Variants in RPS6KA2 observed in about 807,000 individuals in gnomAD.
RPS6KA2 encodes ribosomal protein S6 kinase alpha-2.
In RPS6KA2, 42 loss-of-function variants were observed where a neutral mutation model predicts 91.8. The observed-to-expected ratio is 0.46, with a 90% CI of 0.36 to 0.59. The LOEUF (loss-of-function observed/expected upper bound fraction) is 0.59. Ranked by LOEUF, RPS6KA2 falls within the 20% of genes least tolerant of loss-of-function variation. The pLI, the probability that RPS6KA2 is intolerant of heterozygous loss-of-function variation, is 0.00. For missense variants in RPS6KA2, 798 were observed against 978.5 expected (o/e 0.82, Z 2.46); for synonymous variants, 414 against 393.6 (o/e 1.05, Z -0.61).
chr6:166,676,673 T>G (rs1788629510), intron 2 of RPS6KA2, among the ~76,000 whole-genome samples: 1 of 152,302 alleles, frequency 6.6e-6, no homozygotes, highest in South Asian at 2.1e-4. Flanking sequence ...ATAATAAGAC[T>G]TTTCCCCTTG....
chr6:166,748,702 A>ATTTC (rs1367559182), intron 2 of RPS6KA2, among the ~76,000 whole-genome samples: 1 of 44,318 alleles, frequency 2.3e-5, no homozygotes, highest in South Asian at 1.2e-3. Flanking sequence ...TCAGGCCCCC[A>ATTTC]CCTCCTCAGG....
intron 2 of RPS6KA2, among the ~76,000 whole-genome samples, chr6:166,790,267 T>C (rs984696016): frequency 2.0e-5 from 3 of 152,138 alleles, no homozygotes; most frequent in African/African-American, 7.2e-5. Context: ...GTATCTGTGA[T>C]GGAAGACGAA....
intron 1 of RPS6KA2, chr6:166,586,325 T>C: frequency 1.9e-6 from 3 of 1,599,384 alleles, no homozygotes; most frequent in Non-Finnish European, 2.5e-6. Flanking sequence ...CTCTGTTTCT[T>C]TGGTTCCCAC....
At chr6:166,795,028 A>T (rs1012430400) in intron 2 of RPS6KA2, among the ~76,000 whole-genome samples, 2 of 151,918 alleles carry the variant, frequency 1.3e-5, no homozygotes, top group African/African-American at 2.4e-5. Flanking sequence ...AATAAATAAA[A>T]AATAAAAATA....
intron 2 of RPS6KA2, among the ~76,000 whole-genome samples, chr6:166,678,356 A>G (rs2281144): frequency 0.23 from 34,324 of 152,120 alleles, 5,828 homozygotes; most frequent in African/African-American, 0.48. Context: ...GAACCAAATC[A>G]TGGGAAAGCT....
intron 14 of RPS6KA2, among the ~76,000 whole-genome samples, chr6:166,443,748 A>G (rs934871174): frequency 6.6e-6 from 1 of 152,186 alleles, no homozygotes; most frequent in Non-Finnish European, 1.5e-5. Flanking sequence ...ATAAATTTTG[A>G]TACATTTTAA....
chr6:166,616,339 C>A (rs553576572), intron 1 of RPS6KA2, among the ~76,000 whole-genome samples: 1 of 152,176 alleles, frequency 6.6e-6, no homozygotes, highest in Non-Finnish European at 1.5e-5. Context: ...CCAACCCCGA[C>A]GCATGGATCA....
At chr6:166,654,614 C>T (rs1015284929) in intron 2 of RPS6KA2, among the ~76,000 whole-genome samples, 4 of 152,304 alleles carry the variant, frequency 2.6e-5, no homozygotes, top group South Asian at 4.1e-4. Context: ...ACTTATTTGT[C>T]GAATCTCAAC....
intron 2 of RPS6KA2, among the ~76,000 whole-genome samples, chr6:166,646,588 G>T (rs959147259): frequency 3.3e-5 from 5 of 152,234 alleles, no homozygotes; most frequent in Non-Finnish European, 7.3e-5. Context: ...CCCCTGACAC[G>T]CTCCTTCCTG....
chr6:166,412,704 G>T lies in RPS6KA2; in HGVS notation c.*58C>A. ...TGGGTGCCAGACGGGCTCCGAGGCC[G>T]GGGTCTGTGAGCCCACGAGGATGCT... On this transcript the variant is annotated 3_prime_UTR_variant, in exon 21 of 21. Transcript: ENST00000265678. The surrounding 1 kb of genome is among the most constrained non-coding windows in gnomAD (Gnocchi z 4.3). 6.6e-7 allele frequency: 1 copy of T among 1,510,732 alleles called. No individual in the cohort carries two copies. The highest frequency in any genetic ancestry group is 8.9e-7 in the Non-Finnish European group (1 of 1,125,372). 93.6% of individuals were successfully genotyped at this position (1,510,732 alleles called of 1,614,324 possible). A position where few individuals can be genotyped will look rare whatever the true frequency, so the allele number is the denominator to read the frequency against.
intron 1 of RPS6KA2, among the ~76,000 whole-genome samples, chr6:166,614,511 C>T (rs999113219): frequency 5.3e-5 from 8 of 152,250 alleles, no homozygotes; most frequent in African/African-American, 1.7e-4. Context: ...GCCCTGCCTG[C>T]GTCCTGTCTG....
At chr6:166,545,964 C>T (rs964048894) in intron 1 of RPS6KA2, among the ~76,000 whole-genome samples, 5 of 152,198 alleles carry the variant, frequency 3.3e-5, no homozygotes, top group Admixed American at 1.3e-4. Flanking sequence ...ATCGGCCATT[C>T]TGTCGGTGTG....
chr6:166,782,557 C>A (rs1163979613), intron 2 of RPS6KA2, among the ~76,000 whole-genome samples: 1 of 152,128 alleles, frequency 6.6e-6, no homozygotes, highest in Admixed American at 6.5e-5. Flanking sequence ...GTTAGAGCCA[C>A]CAGAAGGAAG....
At chr6:166,566,794 T>C (rs890943262) in intron 1 of RPS6KA2, among the ~76,000 whole-genome samples, 4 of 152,190 alleles carry the variant, frequency 2.6e-5, no homozygotes, top group African/African-American at 7.2e-5. Context: ...GCCCCACTCC[T>C]GCACCTGACA....
Position 166,821,474 on chromosome 6 carries a change from C to T in RPS6KA2, c.123+36726G>A, listed in dbSNP as rs756896899. 1.1e-4 allele frequency among the ~76,000 whole-genome samples: 17 copies of T among 152,124 alleles called. No homozygotes were observed. Among genetic ancestry groups the T allele is most frequent in the Admixed American group, 2.0e-4 (3 of 15,264 alleles). On this transcript the variant is annotated intron_variant, in intron 2 of 21. Transcript: ENST00000503859. This position sits in a 1 kb window ranked among gnomAD's most constrained non-coding sequence, Gnocchi z 4.1. ...TCACTATGTCTTCTTCCAGAAATCC[C>T]GGCTTCTCCTGTAAACGCTGCAGTC... is the stretch of plus-strand genomic sequence containing the variant.
chr6:166,854,693 C>T (rs1210523116), intron 2 of RPS6KA2, among the ~76,000 whole-genome samples: 2 of 152,060 alleles, frequency 1.3e-5, no homozygotes, highest in East Asian at 1.9e-4. Flanking sequence ...TTCAAAATAA[C>T]AACAGATGTT....
rs9459711 is a variant in RPS6KA2 at position 166,675,840 on chromosome 6, T to A, written c.124-137056A>T. On this transcript the variant is annotated intron_variant, in intron 2 of 21. Coordinates refer to the RPS6KA2 transcript ENST00000503859. ...CATCCTGTTTGTTTTTTGGCTATTG[T>A]GTCATATCTTCACAGTCTCTCTAGG... is the stretch of plus-strand genomic sequence containing the variant. Among the ~76,000 whole-genome samples the A allele has an allele frequency of 2.9e-3, 445 of 152,116 alleles. 2 individuals carry two copies. The highest frequency in any genetic ancestry group is 0.01 in the African/African-American group (427 of 41,458).
At chr6:166,667,370 T>C (rs1303851913) in intron 2 of RPS6KA2, among the ~76,000 whole-genome samples, 1 of 152,260 alleles carries the variant, frequency 6.6e-6, no homozygotes, top group Non-Finnish European at 1.5e-5. Flanking sequence ...AATTTCTTAT[T>C]CTATAGCATT....
intron 2 of RPS6KA2, among the ~76,000 whole-genome samples, chr6:166,746,417 T>C (rs1791015054): frequency 6.6e-6 from 1 of 152,212 alleles, no homozygotes; most frequent in East Asian, 1.9e-4. Flanking sequence ...TCAAAGTGTT[T>C]ATCCTACTCT....
Sources: gnomAD v4.1 joint callset for allele counts (sites outside exome capture counted in the v4.1 genomes callset) on GRCh38, gnomAD v4.1.1 for gene constraint, Gnocchi (gnomAD v3.1) non-coding constraint, MANE v1.5 for transcripts, NCBI Gene and HGNC (gene_info 2026-07-23, HGNC 2026-07-21) for gene names.